The following ARHGEF18 variants were observed in gnomAD, a reference collection of about 807,000 sequenced individuals.
ARHGEF18 encodes Rho/Rac guanine nucleotide exchange factor 18.
Under a neutral mutation model 155.7 loss-of-function variants are expected in ARHGEF18, and 93 were observed. That is an observed-to-expected ratio of 0.60 (90% CI 0.50 to 0.71). The LOEUF (loss-of-function observed/expected upper bound fraction) is 0.71, where lower values mean the gene tolerates loss of function less well. ARHGEF18 is among the 30% of genes least tolerant of loss of function. The probability of loss-of-function intolerance (pLI) is 0.00; values close to 1 mark genes in which losing one functional copy is unlikely to be tolerated. For missense variants in ARHGEF18, 1,593 were observed against 1,816.1 expected (o/e 0.88, Z 2.23); for synonymous variants, 742 against 753.1 (o/e 0.99, Z 0.24).
At chr19:7,370,452 C>A (rs1273370173) in intron 2 of ARHGEF18, among the ~76,000 whole-genome samples, 2 of 149,986 alleles carry the variant, frequency 1.3e-5, no homozygotes, top group Non-Finnish European at 3.0e-5. Context: ...GCTGAGATTG[C>A]ACCACTGCAC....
rs886798314 is a variant in ARHGEF18, at chr19:7,441,728, C to T, written c.1182C>T (p.Ser394=). ...AGCAGACAGCTGATGACTCTCTGTC[C>T]CTTACATCTCCAAACACCGAGTCCA... is the stretch of plus-strand genomic sequence containing the variant. The part of the protein sequence containing the change: ...KFKQTADDSL[S]LTSPNTESIF... The change falls in exon 12 of 29, where the codon TCC becomes TCT. Residue 394 remains serine, a synonymous_variant. Transcript: ENST00000668164. The T allele has an allele frequency of 6.2e-7, 1 of 1,614,172 alleles. No individual in the cohort carries two copies. The highest frequency in any genetic ancestry group is 1.3e-5 in the African/African-American group (1 of 75,034).
intron 16 of ARHGEF18, among the ~76,000 whole-genome samples, chr19:7,451,573 GTTAATTTTTT>G (rs1975476839): frequency 6.6e-6 from 1 of 151,792 alleles, no homozygotes; most frequent in African/African-American, 2.4e-5. Context: ...ACTACACACA[GTTAATTTTTT>G]TTAATTTTTT....
At position 7,462,260 on chromosome 19, in the gene ARHGEF18, G is replaced by C. The variant is rs146371166; in HGVS notation, c.2561G>C (p.Arg854Pro). 1,262 of 1,613,794 alleles carry C rather than the reference G, an allele frequency of 7.8e-4. 7 individuals carry two copies. Among genetic ancestry groups the C allele is most frequent in the Non-Finnish European group, 1.3e-4 (157 of 1,179,976 alleles). Residue 854 changes from arginine (R) to proline (P), a missense_variant, in exon 21 of 29, where the codon CGA (arginine) becomes CCA (proline). Arg to Pro is a moderately radical substitution (Grantham distance 103). Transcript: ENST00000668164. The surrounding 1 kb of genome is among the most constrained non-coding windows in gnomAD (Gnocchi z 4.4). ...MGGLEDLPQPRGLFRGGDPSE... is the reference protein window; with the variant it reads ...MGGLEDLPQPPGLFRGGDPSE... ...GGCCTCGAAGACCTGCCCCAGCCCCGAGGCCTATTCCGTGGAGGGGACCCA... is the reference window on the plus strand; with the variant it reads ...GGCCTCGAAGACCTGCCCCAGCCCCCAGGCCTATTCCGTGGAGGGGACCCA...
intron 10 of ARHGEF18, among the ~76,000 whole-genome samples, chr19:7,411,398 C>A (rs942175511): frequency 6.6e-6 from 1 of 151,826 alleles, no homozygotes; most frequent in African/African-American, 2.4e-5. Flanking sequence ...CCTCCACCTC[C>A]CAGGTTCAAG....
At chr19:7,415,934 A>G (rs1972978509) in intron 10 of ARHGEF18, among the ~76,000 whole-genome samples, 1 of 152,208 alleles carries the variant, frequency 6.6e-6, no homozygotes, top group Non-Finnish European at 1.5e-5. Context: ...ATATTGGTGC[A>G]GAGTGGAGAA....
chr19:7,424,950 C>T (rs1395631857), intron 10 of ARHGEF18, among the ~76,000 whole-genome samples: 2 of 150,550 alleles, frequency 1.3e-5, no homozygotes, highest in Admixed American at 6.7e-5. Context: ...GCCGAGATCA[C>T]GCCACTGCAC....
rs752122115 is a variant in ARHGEF18, at chr19:7,444,245, A to G, written c.1402A>G (p.Ile468Val). The change falls in exon 14 of 29, where the codon ATC (isoleucine) becomes GTC (valine). Residue 468 changes from isoleucine to valine, a missense_variant. Physicochemically the swap from Ile to Val is conservative, Grantham distance 29. Coordinates refer to ENST00000668164, the MANE Select transcript of ARHGEF18 (RefSeq NM_001367823.1). This position sits in a 1 kb window ranked among gnomAD's most constrained non-coding sequence, Gnocchi z 4.7. ...GGTGCACCACGTGCGGACGCTCAAGATCATGCTGAAGGTGTACTCCAGGGC... is the reference window on the plus strand; with the variant it reads ...GGTGCACCACGTGCGGACGCTCAAGGTCATGCTGAAGGTGTACTCCAGGGC... The part of the protein sequence containing the change: ...TEVHHVRTLK[I>V]MLKVYSRALQ... 2.0e-5 allele frequency: 32 copies of G among 1,613,468 alleles called. No individual in the cohort carries two copies. Among genetic ancestry groups the G allele is most frequent in the Middle Eastern group, 1.6e-4 (1 of 6,084 alleles).
chr19:7,465,695 GC>G (rs1291655371), intron 23 of ARHGEF18, among the ~76,000 whole-genome samples: 1 of 152,158 alleles, frequency 6.6e-6, no homozygotes, highest in Non-Finnish European at 1.5e-5. Flanking sequence ...AGGCAAGGCC[GC>G]CATACCTGGC....
chr19:7,447,037 T>C lies in ARHGEF18; in HGVS notation c.1612-6T>C, dbSNP rs749103583. On this transcript the variant is annotated splice_region_variant and splice_polypyrimidine_tract_variant and intron_variant, in intron 14 of 28. Transcript: ENST00000668164. ...TAATTAACATTTCCATCCTTTTGTT[T>C]ATCAGTTTTCAGGTGAAAATGGGGA... The C allele has an allele frequency of 5.0e-6, 8 of 1,611,282 alleles. No individual in the cohort carries two copies. The Admixed American group carries it at 1.3e-4, about 27-fold the overall frequency.
intron 10 of ARHGEF18, among the ~76,000 whole-genome samples, chr19:7,431,808 C>CTGTCT (rs1394524548): frequency 2.0e-5 from 3 of 152,220 alleles, no homozygotes; most frequent in Non-Finnish European, 2.9e-5. Context: ...GAGCGAAACT[C>CTGTCT]CAGCTCAAAC....
At chr19:7,402,921 C>T (rs1268614606) in intron 10 of ARHGEF18, among the ~76,000 whole-genome samples, 1 of 152,168 alleles carries the variant, frequency 6.6e-6, no homozygotes, top group Non-Finnish European at 1.5e-5. Flanking sequence ...ATTATATGAT[C>T]ACAATTTATG....
At chr19:7,397,069 A>G (rs950217075) in intron 10 of ARHGEF18, among the ~76,000 whole-genome samples, 1 of 121,968 alleles carries the variant, frequency 8.2e-6, no homozygotes, top group Non-Finnish European at 1.6e-5. Context: ...GTAGTTTCCT[A>G]TTTCTGTAGG....
downstream of ARHGEF18, among the ~76,000 whole-genome samples, chr19:7,474,921 A>G (rs936628617): frequency 6.6e-6 from 1 of 151,946 alleles, no homozygotes; most frequent in African/African-American, 2.4e-5. Flanking sequence ...GGCACCCTAA[A>G]ATGAGATGTT....
At chr19:7,399,739 A>G (rs1386415707) in intron 10 of ARHGEF18, among the ~76,000 whole-genome samples, 1 of 150,778 alleles carries the variant, frequency 6.6e-6, no homozygotes, top group African/African-American at 2.4e-5. Flanking sequence ...TTCGCCTCCC[A>G]AAGTGCTGGG....
chr19:7,429,024 G>A lies in ARHGEF18; in HGVS notation c.968-11320G>A, dbSNP rs139529581. The stretch of plus-strand genomic sequence containing the variant: ...AAGGAAGCCCGCAGGCCTAGGCCAC[G>A]GGCCCGAGGGCAGGGGCACGCCATG... On this transcript the variant is annotated intron_variant, in intron 10 of 28. Transcript: ENST00000668164. Among the ~76,000 whole-genome samples, 8 of 152,348 alleles carry A rather than the reference G, an allele frequency of 5.3e-5. No homozygotes were observed. In the East Asian group the frequency reaches 9.6e-4, roughly 18 times the overall value.
intron 20 of ARHGEF18, among the ~76,000 whole-genome samples, chr19:7,461,022 C>CCA (rs1976214918): frequency 6.6e-6 from 1 of 151,782 alleles, no homozygotes; most frequent in Non-Finnish European, 1.5e-5. Flanking sequence ...CTCTCGACCT[C>CCA]GTGATCTGCC....
At chr19:7,435,549 G>A (rs1425266425) in intron 10 of ARHGEF18, among the ~76,000 whole-genome samples, 2 of 152,082 alleles carry the variant, frequency 1.3e-5, no homozygotes, top group East Asian at 1.9e-4. Context: ...AGGGCAGCGG[G>A]ACCGTGGCCA....
intron 1 of ARHGEF18, among the ~76,000 whole-genome samples, chr19:7,358,477 C>T (rs1247553638): frequency 2.0e-5 from 3 of 152,040 alleles, no homozygotes; most frequent in African/African-American, 7.2e-5. Context: ...ACCATTCACC[C>T]ATCTGTCTAT....
downstream of ARHGEF18, chr19:7,473,375 AAGG>A (rs571451809): frequency 2.0e-3 from 906 of 442,848 alleles, 2 homozygotes; most frequent in Admixed American, 3.1e-3. Context: ...AAAAAAGTAA[AAGG>A]AGGGCCGGGC....
Sources: allele counts gnomAD v4.1 joint callset (sites outside exome capture counted in the v4.1 genomes callset), GRCh38; gene constraint gnomAD v4.1.1; non-coding constraint Gnocchi (gnomAD v3.1); transcripts MANE v1.5; gene names NCBI Gene and HGNC (gene_info 2026-07-23, HGNC 2026-07-21).